TGFA: variants seen among roughly 807,000 people sequenced by gnomAD.
TGFA encodes the protein protransforming growth factor alpha.
Under a neutral mutation model 21.7 loss-of-function variants are expected in TGFA, and 12 were observed. The ratio of observed to expected loss-of-function variants is 0.55; its 90% CI spans 0.35 to 0.90. The LOEUF is 0.90. Ranked by LOEUF, TGFA falls within the 40% of genes least tolerant of loss-of-function variation. TGFA has a pLI of 0.01. For synonymous variants in TGFA, 79 were observed against 88.1 expected (o/e 0.90, Z 0.58); for missense variants, 178 against 210.8 (o/e 0.84, Z 0.96).
intron 1 of TGFA, among the ~76,000 whole-genome samples, chr2:70,516,702 G>C (rs1257196521): frequency 6.6e-6 from 1 of 152,202 alleles, no homozygotes; most frequent in Non-Finnish European, 1.5e-5. Context: ...GCCGGGAAAA[G>C]TCAGCAGTTG....
chr2:70,455,414 C>T (rs1348527783), intron 4 of TGFA, among the ~76,000 whole-genome samples: 1 of 152,186 alleles, frequency 6.6e-6, no homozygotes, highest in Non-Finnish European at 1.5e-5. Context: ...CGACATGTAG[C>T]TACTGACCAC....
chr2:70,518,833 T>C (rs1672365935), intron 1 of TGFA, among the ~76,000 whole-genome samples: 1 of 152,228 alleles, frequency 6.6e-6, no homozygotes, highest in Admixed American at 6.5e-5. Context: ...TGCTCTGGCC[T>C]CTGCTGGGGC....
At chr2:70,516,963 T>C (rs1672299020) in intron 1 of TGFA, among the ~76,000 whole-genome samples, 1 of 152,222 alleles carries the variant, frequency 6.6e-6, no homozygotes, top group Admixed American at 6.5e-5. Context: ...CTGGGCTCCA[T>C]GTTGGCCTCT....
intron 2 of TGFA, among the ~76,000 whole-genome samples, chr2:70,467,011 G>C (rs1356261338): frequency 6.6e-6 from 1 of 151,764 alleles, no homozygotes; most frequent in African/African-American, 2.4e-5. Context: ...GGGAGAGTGT[G>C]GGGGGAGTGT....
At position 70,547,832 on chromosome 2, in the gene TGFA, G is replaced by GAT. The variant is rs1300204699; in HGVS notation, c.40+5894_40+5895dup. Among the ~76,000 whole-genome samples, 6 of 146,346 alleles carry GAT rather than the reference G, an allele frequency of 4.1e-5. No individual in the cohort carries two copies. In the South Asian group the frequency reaches 6.3e-4, roughly 15 times the overall value. On this transcript the variant is annotated intron_variant, in intron 1 of 5. Transcript: ENST00000295400. ...ACTATCTATATATATACTATCTATA[G>GAT]ATATATATAGAGATATATATATCTA... is the stretch of plus-strand genomic sequence containing the variant.
intron 1 of TGFA, among the ~76,000 whole-genome samples, chr2:70,543,744 CA>C (rs1200648440): frequency 1.3e-5 from 2 of 152,210 alleles, no homozygotes; most frequent in East Asian, 3.9e-4. Flanking sequence ...AGCTTCTTAG[CA>C]ATTTCTTTCA....
At chr2:70,510,079 C>T (rs1183906351) in intron 2 of TGFA, among the ~76,000 whole-genome samples, 1 of 152,174 alleles carries the variant, frequency 6.6e-6, no homozygotes, top group African/African-American at 2.4e-5. Context: ...GATTTCACTC[C>T]CATGGCAACT....
intron 2 of TGFA, among the ~76,000 whole-genome samples, chr2:70,484,009 C>T (rs1671201538): frequency 6.6e-6 from 1 of 152,216 alleles, no homozygotes; most frequent in Non-Finnish European, 1.5e-5. Flanking sequence ...TCTCAACTGG[C>T]CTGGCCTTAT....
intron 2 of TGFA, among the ~76,000 whole-genome samples, chr2:70,491,903 A>C (rs912769360): frequency 1.3e-5 from 2 of 152,328 alleles, no homozygotes; most frequent in South Asian, 2.1e-4. Context: ...TGAGCTGCAC[A>C]ATGGCACATC....
At chr2:70,456,231 C>G (rs1670223123) in intron 4 of TGFA, 108 bp downstream of exon 4, 4 of 1,382,710 alleles carry the variant, frequency 2.9e-6, no homozygotes, top group Non-Finnish European at 3.9e-6. Flanking sequence ...ACTCAGACAT[C>G]CCAGAAATAA....
chr2:70,457,101 C>A (rs1422212688), intron 3 of TGFA, among the ~76,000 whole-genome samples: 1 of 152,180 alleles, frequency 6.6e-6, no homozygotes, highest in Non-Finnish European at 1.5e-5. Context: ...AAGGCACAAG[C>A]AAGGTCGTGT....
At chr2:70,486,948 G>T (rs1671287572) in intron 2 of TGFA, among the ~76,000 whole-genome samples, 1 of 152,236 alleles carries the variant, frequency 6.6e-6, no homozygotes, top group African/African-American at 2.4e-5. Context: ...ATTTTTAGTA[G>T]AGATGGGGTT....
At position 70,553,652 on chromosome 2, in the gene TGFA, G is replaced by A. The variant is rs1673586592; in HGVS notation, c.40+76C>T. The A allele has an allele frequency of 2.3e-6, 3 of 1,319,464 alleles. No homozygotes were observed. The East Asian group carries it at 9.2e-5, about 40-fold the overall frequency. The allele number at this position is 1,319,464 out of a possible 1,614,324, so 81.7% of individuals were successfully genotyped here. ...TCCCAGGCGGGCGCAGAAACCCCCG[G>A]AAAGGGGAACTCGGCGGGGACCGGG... is the stretch of plus-strand genomic sequence containing the variant. On this transcript the variant is annotated intron_variant, in intron 1 of 5. Coordinates refer to ENST00000295400, the MANE Select transcript of TGFA (RefSeq NM_003236.4).
intron 3 of TGFA, among the ~76,000 whole-genome samples, chr2:70,458,801 C>T (rs1180690693): frequency 6.6e-6 from 1 of 152,222 alleles, no homozygotes; most frequent in East Asian, 1.9e-4. Flanking sequence ...GGACTATGCC[C>T]ACCTTTCTGA....
At chr2:70,485,038 T>C (rs2103767479) in intron 2 of TGFA, among the ~76,000 whole-genome samples, 1 of 152,314 alleles carries the variant, frequency 6.6e-6, no homozygotes, top group East Asian at 1.9e-4. Context: ...CCAAAAACAT[T>C]TCCTCAACAA....
chr2:70,467,064 A>G (rs1670588828), intron 2 of TGFA, among the ~76,000 whole-genome samples: 2 of 152,186 alleles, frequency 1.3e-5, no homozygotes, highest in South Asian at 4.2e-4. Context: ...GGGGGAGAAC[A>G]TTAGGGAAAA....
chr2:70,475,232 T>A (rs781803669), intron 2 of TGFA, among the ~76,000 whole-genome samples: 6 of 152,206 alleles, frequency 3.9e-5, no homozygotes, highest in Admixed American at 2.6e-4. Context: ...TGGACTATGA[T>A]GATGATGACA....
intron 2 of TGFA, among the ~76,000 whole-genome samples, chr2:70,476,107 A>T (rs1047743825): frequency 1.4e-5 from 2 of 140,506 alleles, no homozygotes; most frequent in African/African-American, 2.7e-5. Context: ...AAAAAAAAAA[A>T]TTAAGAAAAT....
At chr2:70,514,513 C>T (rs1672207064) in intron 2 of TGFA, among the ~76,000 whole-genome samples, 1 of 149,146 alleles carries the variant, frequency 6.7e-6, no homozygotes, top group African/African-American at 2.5e-5. Context: ...AATCTGGGTT[C>T]TACTTCAGGT....
Sources: allele counts gnomAD v4.1 joint callset (sites outside exome capture counted in the v4.1 genomes callset), GRCh38; gene constraint gnomAD v4.1.1; transcripts MANE v1.5; gene names NCBI Gene and HGNC (gene_info 2026-07-23, HGNC 2026-07-21).